ARFGAP3: variants seen among roughly 807,000 people sequenced by gnomAD.
The protein encoded by ARFGAP3 is ADP-ribosylation factor GTPase-activating protein 3.
A neutral mutation model predicts 75.0 loss-of-function variants in ARFGAP3; 72 were observed. That is an observed-to-expected ratio of 0.96 (90% confidence interval 0.79 to 1.17). The LOEUF (loss-of-function observed/expected upper bound fraction) is 1.17, where lower values mean the gene tolerates loss of function less well. ARFGAP3 is among the 50% of genes most tolerant of loss of function. The probability of loss-of-function intolerance (pLI) is 0.00; values close to 1 mark genes in which losing one functional copy is unlikely to be tolerated. For missense variants in ARFGAP3, 620 were observed against 626.6 expected (o/e 0.99, Z 0.11); for synonymous variants, 221 against 217.9 (o/e 1.01, Z -0.13).
chr22:42,822,412 A>G lies in ARFGAP3; in HGVS notation c.673-3T>C. On this transcript the variant is annotated splice_polypyrimidine_tract_variant and splice_region_variant and intron_variant, in intron 8 of 15. Coordinates refer to ENST00000263245, the MANE Select transcript of ARFGAP3 (RefSeq NM_014570.5). Reference sequence around the variant, plus strand: ...AAACTTCCTTTTTTGGCCCCAAGCTAGAACATATATAAGACTATAGTCTAC... The same window carrying G: ...AAACTTCCTTTTTTGGCCCCAAGCTGGAACATATATAAGACTATAGTCTAC... 2 of 1,613,738 alleles carry G rather than the reference A, an allele frequency of 1.2e-6. No homozygotes were observed. The highest frequency in any genetic ancestry group is 1.7e-6 in the Non-Finnish European group (2 of 1,179,918).
intron 14 of ARFGAP3, among the ~76,000 whole-genome samples, chr22:42,803,757 G>GT (rs1569133980): frequency 6.6e-6 from 1 of 152,184 alleles, no homozygotes; most frequent in Non-Finnish European, 1.5e-5. Context: ...GAGAGTGCCC[G>GT]TAAGAACGGC....
At position 42,826,951 on chromosome 22, in the gene ARFGAP3, T is replaced by G; in HGVS notation, c.614A>C (p.Lys205Thr). Residue 205 changes from lysine (K) to threonine (T), a missense_variant, in exon 7 of 16, where the codon AAG becomes ACG. Lys to Thr is a moderately conservative substitution (Grantham distance 78). Coordinates refer to ENST00000263245, the MANE Select transcript of ARFGAP3 (RefSeq NM_014570.5). ...PSVEGLNVPT[K>T]ATLEVSSIIK... Reference sequence around the variant, plus strand: ...TTTAAGCATATTACCTAAAGTAGCCTTTGTTGGTACATTAAGACCTTCCAC... The same window carrying G: ...TTTAAGCATATTACCTAAAGTAGCCGTTGTTGGTACATTAAGACCTTCCAC... 1 of 1,613,298 alleles carries G rather than the reference T, an allele frequency of 6.2e-7. No individual in the cohort carries two copies. Among genetic ancestry groups the G allele is most frequent in the Non-Finnish European group, 8.5e-7 (1 of 1,179,710 alleles).
In ARFGAP3 at chr22:42,832,162, CAA is replaced by C. The variant is rs78600056; in HGVS notation, c.478-528_478-527del. Reference sequence around the variant, plus strand: ...AATAAGTATGTGCAAATTATAATAGCAAAAAAAAAAAAAAAACCCAAAAAACA... The same window carrying C: ...AATAAGTATGTGCAAATTATAATAGCAAAAAAAAAAAAAACCCAAAAAACA... On this transcript the variant is annotated intron_variant, in intron 5 of 15. Coordinates refer to ENST00000263245, the MANE Select transcript of ARFGAP3 (RefSeq NM_014570.5). Among the ~76,000 whole-genome samples, 48 of 75,972 alleles carry C rather than the reference CAA, an allele frequency of 6.3e-4. 1 individual carries two copies. The highest frequency in any genetic ancestry group is 1.7e-3 in the African/African-American group (43 of 24,636). The allele number at this position is 75,972 out of a possible 152,430, so 49.8% of individuals were successfully genotyped here.
intron 14 of ARFGAP3, 34 bp from the exon 15 acceptor site, chr22:42,799,194 G>C: frequency 6.2e-7 from 1 of 1,608,498 alleles, no homozygotes; most frequent in Non-Finnish European, 8.5e-7. Flanking sequence ...TCTCATCACT[G>C]CCCTGGCCAC....
intron 14 of ARFGAP3, among the ~76,000 whole-genome samples, chr22:42,803,996 T>C (rs951167002): frequency 2.0e-5 from 3 of 146,928 alleles, no homozygotes; most frequent in Non-Finnish European, 3.0e-5. Context: ...CTCTGCCTCC[T>C]GGGCTCAGGT....
chr22:42,804,376 ATTTTTTTTTTTT>A (rs1169858932), intron 14 of ARFGAP3, among the ~76,000 whole-genome samples: 2 of 74,478 alleles, frequency 2.7e-5, no homozygotes, highest in African/African-American at 1.2e-4. Context: ...CACCCAGCTA[ATTTTTTTTTTTT>A]TTTTTTTTTT....
At chr22:42,853,044 G>A (rs564637126) in intron 1 of ARFGAP3, among the ~76,000 whole-genome samples, 83 of 152,332 alleles carry the variant, frequency 5.4e-4, no homozygotes, top group African/African-American at 1.7e-3. Flanking sequence ...GGTTACAGGC[G>A]TGAGCCACCG....
At position 42,834,477 on chromosome 22, in the gene ARFGAP3, C is replaced by A. The variant is rs550743359; in HGVS notation, c.394-152G>T. The A allele has an allele frequency of 7.3e-6, 10 of 1,361,278 alleles. No individual in the cohort carries two copies. The South Asian group carries it at 1.6e-4, about 22-fold the overall frequency. 84.3% of individuals were successfully genotyped at this position (1,361,278 alleles called of 1,614,324 possible). A position where few individuals can be genotyped will look rare whatever the true frequency, so the allele number is the denominator to read the frequency against. On this transcript the variant is annotated intron_variant, in intron 4 of 15. Coordinates refer to ENST00000263245, the MANE Select transcript of ARFGAP3 (RefSeq NM_014570.5). ...GTAACATCCCTACAGAGGACCTCTG[C>A]GTGCACTTTAGTAATCTATCATCCA...
intron 9 of ARFGAP3, among the ~76,000 whole-genome samples, chr22:42,820,754 G>T (rs1035987789): frequency 2.0e-5 from 3 of 151,982 alleles, no homozygotes; most frequent in Non-Finnish European, 4.4e-5. Context: ...CTTCTCTCCT[G>T]ATCTTTGGTA....
intron 14 of ARFGAP3, among the ~76,000 whole-genome samples, chr22:42,800,713 C>T (rs1012327824): frequency 1.3e-5 from 2 of 152,234 alleles, no homozygotes; most frequent in Non-Finnish European, 2.9e-5. Context: ...ATCTTGTAGG[C>T]CTTCACCAAT....
In ARFGAP3 at chr22:42,857,253, CA is replaced by C. The variant is rs1338373543; in HGVS notation, c.-72del. The C allele has an allele frequency of 3.0e-5, 44 of 1,478,452 alleles. No individual in the cohort carries two copies. Among genetic ancestry groups the C allele is most frequent in the Non-Finnish European group, 3.8e-5 (42 of 1,109,002 alleles). 91.6% of individuals were successfully genotyped at this position (1,478,452 alleles called of 1,614,324 possible). A position where few individuals can be genotyped will look rare whatever the true frequency, so the allele number is the denominator to read the frequency against. ...AGTCGACGAAAAGCGGCTACCGCCT[CA>C]GCAGGAGCGACGAGGCCGCGGGGGC... On this transcript the variant is annotated 5_prime_UTR_variant, in exon 1 of 16. Transcript: ENST00000263245.
At chr22:42,813,303 A>T (rs1424516466) in intron 11 of ARFGAP3, among the ~76,000 whole-genome samples, 1 of 152,086 alleles carries the variant, frequency 6.6e-6, no homozygotes, top group Non-Finnish European at 1.5e-5. Flanking sequence ...CACGGAGCTG[A>T]CCTGGGACCA....
At chr22:42,838,288 ATATTTTTTTTTTC>A (rs1926622163) in intron 3 of ARFGAP3, among the ~76,000 whole-genome samples, 1 of 130,676 alleles carries the variant, frequency 7.7e-6, no homozygotes, top group African/African-American at 3.1e-5. Context: ...ATATATATAT[ATATTTTTTTTTTC>A]TTTTTTTTTT....
chr22:42,828,382 C>A (rs1926136991), intron 6 of ARFGAP3, among the ~76,000 whole-genome samples: 1 of 151,946 alleles, frequency 6.6e-6, no homozygotes, highest in Non-Finnish European at 1.5e-5. Flanking sequence ...CATGGTGAAA[C>A]CCGTCTCTAC....
chr22:42,815,815 A>G (rs1286275833), intron 11 of ARFGAP3, among the ~76,000 whole-genome samples: 2 of 152,204 alleles, frequency 1.3e-5, no homozygotes, highest in Non-Finnish European at 2.9e-5. Context: ...ACCTAACAAT[A>G]GTAATCAAAC....
chr22:42,813,572 AAAG>A (rs1456202032), intron 11 of ARFGAP3, among the ~76,000 whole-genome samples: 1 of 152,248 alleles, frequency 6.6e-6, no homozygotes, highest in African/African-American at 2.4e-5. Context: ...TTCAGAAGTC[AAAG>A]AAGAGAGACA....
In ARFGAP3 at chr22:42,803,004, T is replaced by C. The variant is rs189967890; in HGVS notation, c.1412-3844A>G. Among the ~76,000 whole-genome samples the C allele has an allele frequency of 3.9e-5, 6 of 152,226 alleles. No individual in the cohort carries two copies. The South Asian group carries it at 1.0e-3, about 26-fold the overall frequency. ...AAGATTATAAGAACAAGTTTGGGCA[T>C]TGTTTGTTTGAGACAGGGACTCCCT... On this transcript the variant is annotated intron_variant, in intron 14 of 15. Coordinates refer to ENST00000263245, the MANE Select transcript of ARFGAP3 (RefSeq NM_014570.5).
chr22:42,847,367 G>A (rs1043907127), intron 2 of ARFGAP3, 147 bp downstream of exon 2: 3 of 649,066 alleles, frequency 4.6e-6, no homozygotes, highest in African/African-American at 1.9e-5. Flanking sequence ...GTTCACTTGA[G>A]CCCAGTGAGC....
At chr22:42,801,117 T>A (rs1050542261) in intron 14 of ARFGAP3, among the ~76,000 whole-genome samples, 5 of 152,066 alleles carry the variant, frequency 3.3e-5, no homozygotes, top group Admixed American at 6.5e-5. Flanking sequence ...TCCAGGTGCA[T>A]GGGGCGGTGC....
Sources: gnomAD v4.1 joint callset for allele counts (sites outside exome capture counted in the v4.1 genomes callset) on GRCh38, gnomAD v4.1.1 for gene constraint, MANE v1.5 for transcripts, NCBI Gene and HGNC (gene_info 2026-07-23, HGNC 2026-07-21) for gene names.